BMP6: variants seen among roughly 807,000 people sequenced by gnomAD.
BMP6 encodes bone morphogenetic protein 6, also known as VG-1-R.
Under a neutral mutation model 54.1 loss-of-function variants are expected in BMP6, and 17 were observed. The ratio of observed to expected loss-of-function variants is 0.31; its 90% confidence interval spans 0.22 to 0.47. BMP6 has a LOEUF of 0.47. Among genes scored for constraint, BMP6 ranks in the 20% least tolerant of loss-of-function variants. BMP6 has a pLI of 1.00. For missense variants in BMP6, 720 were observed against 690.4 expected (o/e 1.04, Z -0.48); for synonymous variants, 328 against 291.2 (o/e 1.13, Z -1.28).
intron 4 of BMP6, among the ~76,000 whole-genome samples, chr6:7,868,324 C>A (rs1759460941): frequency 6.6e-6 from 1 of 152,180 alleles, no homozygotes; most frequent in Non-Finnish European, 1.5e-5. Flanking sequence ...CCCACCCCAG[C>A]CCTATCAACT....
At chr6:7,877,559 G>T (rs1035748299) in intron 4 of BMP6, among the ~76,000 whole-genome samples, 2 of 152,074 alleles carry the variant, frequency 1.3e-5, no homozygotes, top group Non-Finnish European at 2.9e-5. Context: ...GGAGGCAGAG[G>T]TTGCAGTGAG....
At position 7,764,692 on chromosome 6, in the gene BMP6, G is replaced by A. The variant is rs141017847; in HGVS notation, c.664+37073G>A. ...GGCAGGGTCTCGCTATGTTGCCCATGCCGGATTCAAACTCTTGGACTCAAG... is the reference window on the plus strand; with the variant it reads ...GGCAGGGTCTCGCTATGTTGCCCATACCGGATTCAAACTCTTGGACTCAAG... On this transcript the variant is annotated intron_variant, in intron 1 of 6. Transcript: ENST00000283147. 1.0e-2 allele frequency among the ~76,000 whole-genome samples: 1,516 copies of A among 152,250 alleles called. 20 individuals are homozygous for A. The highest frequency in any genetic ancestry group is 0.035 in the African/African-American group (1,445 of 41,538).
At chr6:7,733,911 A>G (rs886965644) in intron 1 of BMP6, among the ~76,000 whole-genome samples, 2 of 152,180 alleles carry the variant, frequency 1.3e-5, no homozygotes, top group Non-Finnish European at 2.9e-5. Context: ...TTTCAGTGCC[A>G]TTAACCTCTG....
intron 1 of BMP6, among the ~76,000 whole-genome samples, chr6:7,787,286 G>A (rs1409974243): frequency 6.6e-6 from 1 of 152,138 alleles, no homozygotes; most frequent in Admixed American, 6.5e-5. Context: ...AACTTCTCTG[G>A]AAGCGCCTGA....
intron 2 of BMP6, among the ~76,000 whole-genome samples, chr6:7,851,225 C>T (rs974622265): frequency 3.9e-5 from 6 of 152,128 alleles, no homozygotes; most frequent in African/African-American, 7.2e-5. Context: ...TACATCTCAT[C>T]GATAATGAGG....
intron 1 of BMP6, among the ~76,000 whole-genome samples, chr6:7,742,762 T>TG (rs1335548994): frequency 1.3e-5 from 2 of 152,106 alleles, no homozygotes; most frequent in Non-Finnish European, 2.9e-5. Flanking sequence ...CCAAATAGGT[T>TG]GGAAAAAATG....
intron 1 of BMP6, among the ~76,000 whole-genome samples, chr6:7,812,107 A>G (rs1488140565): frequency 6.6e-6 from 1 of 151,124 alleles, no homozygotes; most frequent in Non-Finnish European, 1.5e-5. Flanking sequence ...GAGTTAGATC[A>G]AGGCTTGTAC....
chr6:7,876,449 T>A (rs1450707139), intron 4 of BMP6, among the ~76,000 whole-genome samples: 1 of 152,234 alleles, frequency 6.6e-6, no homozygotes, highest in Non-Finnish European at 1.5e-5. Context: ...TCCCTATTAC[T>A]GCCTTCCGAA....
At chr6:7,802,633 TGAG>T (rs755916992) in intron 1 of BMP6, among the ~76,000 whole-genome samples, 8 of 152,236 alleles carry the variant, frequency 5.3e-5, no homozygotes, top group South Asian at 2.1e-4. Flanking sequence ...AGTCACTTGA[TGAG>T]GAGGGATGGG....
At chr6:7,827,171 T>G (rs913026553) in intron 1 of BMP6, among the ~76,000 whole-genome samples, 3 of 152,210 alleles carry the variant, frequency 2.0e-5, no homozygotes, top group Non-Finnish European at 4.4e-5. Flanking sequence ...TCTTGTGACT[T>G]GGCAGGGGGA....
chr6:7,808,173 G>A (rs1355098220), intron 1 of BMP6, among the ~76,000 whole-genome samples: 2 of 152,070 alleles, frequency 1.3e-5, no homozygotes, highest in Admixed American at 1.3e-4. Flanking sequence ...GCCCACCTCG[G>A]CCTCCCAAAG....
chr6:7,763,823 C>G (rs936954083), intron 1 of BMP6, among the ~76,000 whole-genome samples: 1 of 152,172 alleles, frequency 6.6e-6, no homozygotes, highest in African/African-American at 2.4e-5. Flanking sequence ...AGTTTGCCCT[C>G]CATGGTGACC....
At chr6:7,765,282 A>T (rs899570214) in intron 1 of BMP6, among the ~76,000 whole-genome samples, 1 of 152,210 alleles carries the variant, frequency 6.6e-6, no homozygotes, top group Non-Finnish European at 1.5e-5. Flanking sequence ...GAGAGGGGGA[A>T]ACCCCAGTTT....
chr6:7,745,380 C>G (rs1479048545), intron 1 of BMP6, among the ~76,000 whole-genome samples: 1 of 152,140 alleles, frequency 6.6e-6, no homozygotes. Context: ...CTCAAGCGAT[C>G]CTCCCACCCT....
chr6:7,826,106 G>T (rs1208890150), intron 1 of BMP6, among the ~76,000 whole-genome samples: 1 of 152,242 alleles, frequency 6.6e-6, no homozygotes, highest in Non-Finnish European at 1.5e-5. Flanking sequence ...CCAGGAGCAT[G>T]CAGTGGTGCC....
chr6:7,736,214 A>G (rs781671850), intron 1 of BMP6, among the ~76,000 whole-genome samples: 8 of 152,244 alleles, frequency 5.3e-5, no homozygotes, highest in Non-Finnish European at 1.2e-4. Context: ...TAGTACCTAG[A>G]CAATCCCTCA....
chr6:7,872,814 C>CTTTTTTTTTT (rs55666956), intron 4 of BMP6, among the ~76,000 whole-genome samples: 2 of 133,838 alleles, frequency 1.5e-5, no homozygotes. Flanking sequence ...CTTTTTTTTT[C>CTTTTTTTTTT]TTTTTTTTTT....
At position 7,880,855 on chromosome 6, in the gene BMP6, C is replaced by T; in HGVS notation, c.*512C>T. 6.3e-6 allele frequency: 1 copy of T among 158,722 alleles called. No individual in the cohort carries two copies. The highest frequency in any genetic ancestry group is 1.4e-5 in the Non-Finnish European group (1 of 71,444). The allele number at this position is 158,722 out of a possible 1,614,324, so 9.8% of individuals were successfully genotyped here. On this transcript the variant is annotated 3_prime_UTR_variant, in exon 7 of 7. Transcript: ENST00000283147. ...CCAGAAGTCCACAGGACGCACAGCC[C>T]AGGCCACAGCCAGGGCTCCACGGGG...
At chr6:7,871,435 A>G (rs546268960) in intron 4 of BMP6, among the ~76,000 whole-genome samples, 2 of 152,332 alleles carry the variant, frequency 1.3e-5, no homozygotes, top group South Asian at 2.1e-4. Flanking sequence ...CCTTCTGCTT[A>G]TGGAAGGAAT....
Sources: allele counts gnomAD v4.1 joint callset (sites outside exome capture counted in the v4.1 genomes callset), GRCh38; gene constraint gnomAD v4.1.1; transcripts MANE v1.5; gene names NCBI Gene and HGNC (gene_info 2026-07-23, HGNC 2026-07-21).